The following MED12L variants were observed in gnomAD, a reference collection of about 807,000 sequenced individuals.
MED12L encodes mediator complex subunit 12L.
MED12L carries 60 observed loss-of-function variants against 281.3 expected under a neutral mutation model. That is an observed-to-expected ratio of 0.21 (90% confidence interval 0.17 to 0.26). The LOEUF is 0.26. MED12L is among the 10% of genes least tolerant of loss of function. The pLI is 1.00. For synonymous variants in MED12L, 974 were observed against 987.2 expected (o/e 0.99, Z 0.25); for missense variants, 2,146 against 2,680.9 (o/e 0.80, Z 4.41).
intron 16 of MED12L, among the ~76,000 whole-genome samples, chr3:151,335,287 G>T (rs1420472816): frequency 6.6e-6 from 1 of 151,906 alleles, no homozygotes; most frequent in Non-Finnish European, 1.5e-5. Flanking sequence ...CCTTCCCCAT[G>T]ACTCTCTAGT....
At chr3:151,275,806 G>T (rs1457752074) in intron 16 of MED12L, among the ~76,000 whole-genome samples, 1 of 152,114 alleles carries the variant, frequency 6.6e-6, no homozygotes, top group Non-Finnish European at 1.5e-5. Flanking sequence ...TTGGTTGTAG[G>T]TATTTTTTCT....
intron 2 of MED12L, among the ~76,000 whole-genome samples, chr3:151,111,739 G>A (rs1163521008): frequency 6.6e-6 from 1 of 152,146 alleles, no homozygotes; most frequent in Non-Finnish European, 1.5e-5. Context: ...TAAACCCAGA[G>A]CCTGTGAACC....
chr3:151,219,188 G>A (rs1395526760), intron 16 of MED12L, among the ~76,000 whole-genome samples: 1 of 152,218 alleles, frequency 6.6e-6, no homozygotes, highest in East Asian at 1.9e-4. Flanking sequence ...TTAGTGCAGT[G>A]TAATATCTTA....
chr3:151,251,380 T>A (rs992242259), intron 16 of MED12L, among the ~76,000 whole-genome samples: 2 of 151,996 alleles, frequency 1.3e-5, no homozygotes, highest in African/African-American at 2.4e-5. Context: ...CAAAGCCTGG[T>A]GATTTTTTTT....
chr3:151,372,535 T>C, intron 26 of MED12L, 32 bp from the exon 27 acceptor site: 3 of 1,557,120 alleles, frequency 1.9e-6, no homozygotes, highest in South Asian at 2.2e-5. Flanking sequence ...TTTGAACTTC[T>C]GTGATTTTGC....
intron 16 of MED12L, among the ~76,000 whole-genome samples, chr3:151,305,909 GA>G (rs557719602): frequency 4.4e-4 from 67 of 152,264 alleles, no homozygotes; most frequent in African/African-American, 1.6e-3. Context: ...CATTTTGAAA[GA>G]TGAGAAGATT....
chr3:151,288,826 AT>A (rs11330083), intron 16 of MED12L, among the ~76,000 whole-genome samples: 121,028 of 151,326 alleles, frequency 0.8, 48,436 homozygotes, highest in Middle Eastern at 0.89. Flanking sequence ...GCATAAAGCT[AT>A]CAAACTTAAT....
chr3:151,179,645 TGAGAAC>T (rs1722480246), intron 11 of MED12L, among the ~76,000 whole-genome samples: 1 of 152,188 alleles, frequency 6.6e-6, no homozygotes. Context: ...GTCTGAGGGC[TGAGAAC>T]GACCCCTCTT....
chr3:151,350,598 A>G (rs923527120), intron 17 of MED12L, among the ~76,000 whole-genome samples: 5 of 152,064 alleles, frequency 3.3e-5, no homozygotes, highest in Non-Finnish European at 7.4e-5. Context: ...TAATTTTCCA[A>G]GCTTGTGGTT....
Position 151,338,501 on chromosome 3 carries a change from C to T in MED12L, c.2251-11558C>T, listed in dbSNP as rs1461192948. 6.8e-6 allele frequency: 11 copies of T among 1,613,584 alleles called. No individual in the cohort carries two copies. Among genetic ancestry groups the T allele is most frequent in the Non-Finnish European group, 8.5e-6 (10 of 1,179,936 alleles). On this transcript the variant is annotated intron_variant, in intron 16 of 44. Transcript: ENST00000687756. ...GGTAGCGATCGATAGTTATCAGTCC[C>T]AGGAATGAAATACTGATATACATTG...
At chr3:151,332,668 A>C (rs901141981) in intron 16 of MED12L, among the ~76,000 whole-genome samples, 1 of 152,236 alleles carries the variant, frequency 6.6e-6, no homozygotes, top group Admixed American at 6.5e-5. Flanking sequence ...ATATGTGTAC[A>C]AATATATTTA....
intron 1 of MED12L, 191 bp from the exon 2 acceptor site, chr3:151,086,607 T>C (rs1390690303): frequency 4.6e-6 from 1 of 217,258 alleles, no homozygotes; most frequent in Non-Finnish European, 9.0e-6. Context: ...GGAGACAAGG[T>C]AGGGGGGAGC....
intron 2 of MED12L, among the ~76,000 whole-genome samples, chr3:151,104,756 G>A (rs1721797140): frequency 6.6e-6 from 1 of 152,108 alleles, no homozygotes; most frequent in Non-Finnish European, 1.5e-5. Flanking sequence ...CATATGCAGG[G>A]CCATCCTCCC....
intron 43 of MED12L, among the ~76,000 whole-genome samples, chr3:151,427,712 A>G (rs1191020935): frequency 6.6e-6 from 1 of 152,210 alleles, no homozygotes; most frequent in Admixed American, 6.5e-5. Context: ...GGTATTTTCA[A>G]TCATGGATAG....
At chr3:151,219,973 C>T (rs1255842359) in intron 16 of MED12L, among the ~76,000 whole-genome samples, 1 of 141,264 alleles carries the variant, frequency 7.1e-6, no homozygotes, top group Non-Finnish European at 1.5e-5. Context: ...GCCATGAAAT[C>T]ATAAGTCTAA....
At chr3:151,132,291 C>G (rs1328428363) in intron 5 of MED12L, among the ~76,000 whole-genome samples, 1 of 152,124 alleles carries the variant, frequency 6.6e-6, no homozygotes, top group South Asian at 2.1e-4. Flanking sequence ...CTTAGCTTCT[C>G]CAGACATCAG....
At chr3:151,136,759 C>A (rs1716193259) in intron 5 of MED12L, among the ~76,000 whole-genome samples, 1 of 152,192 alleles carries the variant, frequency 6.6e-6, no homozygotes, top group African/African-American at 2.4e-5. Context: ...ACAGTTCTTT[C>A]TAAAAAAGGC....
Position 151,413,119 on chromosome 3 carries a change from GT to G in MED12L, c.6141-18del, listed in dbSNP as rs777348821. 5.0e-6 allele frequency: 8 copies of G among 1,603,154 alleles called. No individual in the cohort carries two copies. Among genetic ancestry groups the G allele is most frequent in the Admixed American group, 3.4e-5 (2 of 59,654 alleles). On this transcript the variant is annotated intron_variant, in intron 41 of 44. Coordinates refer to ENST00000687756, the MANE Select transcript of MED12L (RefSeq NM_001393769.1). ...GACATTATGCTTGGGCCTGAACCAA[GT>G]TGCATTATTCTTTGCCAGACTGAAC... is the stretch of plus-strand genomic sequence containing the variant.
In MED12L at chr3:151,350,283, T is replaced by G; in HGVS notation, c.2398+77T>G. The G allele has an allele frequency of 2.1e-6, 3 of 1,417,512 alleles. No homozygotes were observed. The South Asian group carries it at 3.9e-5, about 19-fold the overall frequency. The allele number at this position is 1,417,512 out of a possible 1,614,324, so 87.8% of individuals were successfully genotyped here. On this transcript the variant is annotated intron_variant, in intron 17 of 44. Transcript: ENST00000687756. ...CTGAGCACAGTCTTTATCAAAGTGTTCTATGTCACTGTCAACAGAGCGTTT... is the reference window on the plus strand; with the variant it reads ...CTGAGCACAGTCTTTATCAAAGTGTGCTATGTCACTGTCAACAGAGCGTTT...
Sources: gnomAD v4.1 joint callset for allele counts (sites outside exome capture counted in the v4.1 genomes callset) on GRCh38, gnomAD v4.1.1 for gene constraint, MANE v1.5 for transcripts, NCBI Gene and HGNC (gene_info 2026-07-23, HGNC 2026-07-21) for gene names.